The following GOLM1 variants were observed in gnomAD, a reference collection of about 807,000 sequenced individuals.
The protein encoded by GOLM1 is golgi membrane protein 1.
In GOLM1, 31 loss-of-function variants were observed where a neutral mutation model predicts 50.5. The ratio of observed to expected loss-of-function variants is 0.61; its 90% CI spans 0.46 to 0.83. GOLM1 has a LOEUF of 0.83. GOLM1 is among the 40% of genes least tolerant of loss of function. The pLI, the probability that GOLM1 is intolerant of heterozygous loss-of-function variation, is 0.00. For synonymous variants in GOLM1, 178 were observed against 192.8 expected (o/e 0.92, Z 0.64); for missense variants, 491 against 501.3 (o/e 0.98, Z 0.20).
chr9:86,053,470 C>T (rs1833848359), intron 3 of GOLM1, among the ~76,000 whole-genome samples: 1 of 88,462 alleles, frequency 1.1e-5, no homozygotes, highest in South Asian at 4.6e-4. Context: ...CACACCACAC[C>T]ACTCCATACC....
intron 3 of GOLM1, among the ~76,000 whole-genome samples, chr9:86,063,609 C>A (rs554185905): frequency 6.6e-6 from 1 of 152,264 alleles, no homozygotes; most frequent in South Asian, 2.1e-4. Context: ...AAAACAGCTA[C>A]CTCCTATTTT....
rs1835059344 is a variant in GOLM1 at position 86,088,458 on chromosome 9, T to TATA, written c.-21-9118_-21-9117insTAT. Reference sequence around the variant, plus strand: ...TATATATATATATATATATATATATTTAGGATAGATAGGTCTTCTTGTTGC... The same window carrying TATA: ...TATATATATATATATATATATATATTATATAGGATAGATAGGTCTTCTTGTTGC... On this transcript the variant is annotated intron_variant, in intron 1 of 9. Coordinates refer to ENST00000388712, the MANE Select transcript of GOLM1 (RefSeq NM_016548.4). Among the ~76,000 whole-genome samples the TATA allele has an allele frequency of 4.2e-5, 4 of 96,040 alleles. No individual in the cohort carries two copies. The South Asian group carries it at 1.0e-3, about 24-fold the overall frequency. The allele number at this position is 96,040 out of a possible 152,430, so 63.0% of individuals were successfully genotyped here.
intron 1 of GOLM1, among the ~76,000 whole-genome samples, chr9:86,092,362 C>T (rs1835211800): frequency 6.6e-6 from 1 of 152,218 alleles, no homozygotes; most frequent in Non-Finnish European, 1.5e-5. Flanking sequence ...AACCAGTCCT[C>T]CTCTTTCCTT....
At chr9:86,062,497 A>AAGAGGAGGAGGGAGAATGGAGGG (rs1358829657) in intron 3 of GOLM1, among the ~76,000 whole-genome samples, 2 of 148,648 alleles carry the variant, frequency 1.3e-5, no homozygotes, top group African/African-American at 5.0e-5. Flanking sequence ...AGGAGGGAGG[A>AAGAGGAGGAGGGAGAATGGAGGG]AGAGGAGGAG....
chr9:86,092,579 A>C (rs946759997), intron 1 of GOLM1, among the ~76,000 whole-genome samples: 14 of 152,230 alleles, frequency 9.2e-5, no homozygotes, highest in African/African-American at 3.4e-4. Context: ...GAAGGTGAGC[A>C]GCTGTCTAGA....
chr9:86,058,008 TTC>T (rs1235411141), intron 3 of GOLM1, among the ~76,000 whole-genome samples: 1 of 152,258 alleles, frequency 6.6e-6, no homozygotes, highest in Non-Finnish European at 1.5e-5. Context: ...CCTGGAAAAC[TTC>T]TTTGTACTGA....
chr9:86,033,219 G>T, intron 9 of GOLM1, 63 bp downstream of exon 9: 1 of 893,584 alleles, frequency 1.1e-6, no homozygotes, highest in South Asian at 1.4e-5. Flanking sequence ...GGATAATCAC[G>T]GTGAAGGACC....
intron 8 of GOLM1, among the ~76,000 whole-genome samples, chr9:86,034,640 C>T (rs148131989): frequency 2.6e-3 from 396 of 152,294 alleles, no homozygotes; most frequent in Non-Finnish European, 4.6e-3. Context: ...TGGAAGGACA[C>T]GTTCTTCAGT....
intron 3 of GOLM1, among the ~76,000 whole-genome samples, chr9:86,056,408 C>T (rs181930775): frequency 1.3e-4 from 20 of 149,042 alleles, no homozygotes; most frequent in Admixed American, 7.9e-4. Flanking sequence ...AGGGAAACTA[C>T]GAAAATGCTT....
intron 3 of GOLM1, 66 bp from the exon 4 acceptor site, chr9:86,052,657 T>TC (rs1470743455): frequency 8.7e-6 from 12 of 1,378,126 alleles, no homozygotes; most frequent in Non-Finnish European, 1.1e-5. Flanking sequence ...CCAGATGTGA[T>TC]ACAAACCAAT....
At chr9:86,028,971 C>A (rs932560152) in intron 9 of GOLM1, among the ~76,000 whole-genome samples, 1 of 151,630 alleles carries the variant, frequency 6.6e-6, no homozygotes, top group African/African-American at 2.4e-5. Flanking sequence ...GCCTAAGCTT[C>A]CCGAGTAGCT....
chr9:86,060,909 A>G (rs1191740266), intron 3 of GOLM1, among the ~76,000 whole-genome samples: 2 of 76,338 alleles, frequency 2.6e-5, no homozygotes, highest in African/African-American at 2.6e-4. Flanking sequence ...AAAAAAAAAA[A>G]AAAAAGAAGA....
Position 86,046,388 on chromosome 9 carries a change from C to G in GOLM1, c.467+82G>C. On this transcript the variant is annotated intron_variant, in intron 5 of 9. Transcript: ENST00000388712. ...ACGGAGCAGAAGGTGCATGCTCTAT[C>G]GGAGGTTACATCTCAGCTTAATCCC... 4.9e-6 allele frequency: 4 copies of G among 810,206 alleles called. No individual in the cohort carries two copies. The South Asian group carries it at 5.7e-5, about 12-fold the overall frequency. The allele number at this position is 810,206 out of a possible 1,614,324, so 50.2% of individuals were successfully genotyped here.
rs576655017 is a variant in GOLM1 at position 86,031,212 on chromosome 9, G to A, written c.1129+2070C>T. On this transcript the variant is annotated intron_variant, in intron 9 of 9. Coordinates refer to ENST00000388712, the MANE Select transcript of GOLM1 (RefSeq NM_016548.4). ...GCAACAGAGTGAGACTCCATCTGAG[G>A]AAGAAAAAAAAAAAGGGCATCGGCA... Among the ~76,000 whole-genome samples, 8 of 148,614 alleles carry A rather than the reference G, an allele frequency of 5.4e-5. No individual in the cohort carries two copies. The South Asian group carries it at 1.7e-3, about 31-fold the overall frequency.
intron 3 of GOLM1, among the ~76,000 whole-genome samples, chr9:86,068,750 G>T (rs2118816217): frequency 6.6e-6 from 1 of 152,350 alleles, no homozygotes; most frequent in Middle Eastern, 3.4e-3. Flanking sequence ...TGCAGTAACA[G>T]ATAACAAAAA....
Position 86,035,367 on chromosome 9 carries a change from C to T in GOLM1, c.1015+1G>A. The T allele has an allele frequency of 1.9e-6, 3 of 1,612,924 alleles. No homozygotes were observed. The highest frequency in any genetic ancestry group is 2.5e-6 in the Non-Finnish European group (3 of 1,179,700). ...AGCGGCCCCCGAAACTTCACACCCA[C>T]CTTCCCCGGCAGCTTCCTGCTCCTC... On this transcript the variant is annotated splice_donor_variant, in intron 8 of 9. Transcript: ENST00000388712. LOFTEE classifies it high-confidence loss of function.
At chr9:86,035,779 T>TCC (rs1466154067) in intron 7 of GOLM1, among the ~76,000 whole-genome samples, 154 bp from the exon 8 acceptor site, 1 of 142,152 alleles carries the variant, frequency 7.0e-6, no homozygotes, top group African/African-American at 2.7e-5. Context: ...ACCAGGTAGC[T>TCC]CCTTTTGTGA....
chr9:86,044,306 C>T (rs1315456476), intron 5 of GOLM1, among the ~76,000 whole-genome samples: 1 of 152,250 alleles, frequency 6.6e-6, no homozygotes, highest in Non-Finnish European at 1.5e-5. Flanking sequence ...ACTGGCTGCT[C>T]ATGTCCTCTA....
At position 86,027,095 on chromosome 9, in the gene GOLM1, T is replaced by C. The variant is rs533392972; in HGVS notation, c.*722A>G. ...GGTAATATATATTTAGGGAAGATGT[T>C]GCTTTGCCCACACACGAAGCAAAGT... On this transcript the variant is annotated 3_prime_UTR_variant, in exon 10 of 10. Coordinates refer to ENST00000388712, the MANE Select transcript of GOLM1 (RefSeq NM_016548.4). 8 of 985,200 alleles carry C rather than the reference T, an allele frequency of 8.1e-6. No individual in the cohort carries two copies. The South Asian group carries it at 2.4e-4, about 29-fold the overall frequency. 61.0% of individuals were successfully genotyped at this position (985,200 alleles called of 1,614,324 possible).
Sources: allele counts gnomAD v4.1 joint callset (sites outside exome capture counted in the v4.1 genomes callset), GRCh38; gene constraint gnomAD v4.1.1; transcripts MANE v1.5; gene names NCBI Gene and HGNC (gene_info 2026-07-23, HGNC 2026-07-21).